The following SOCS6 variants were observed in gnomAD, a reference collection of about 807,000 sequenced individuals.
SOCS6 encodes suppressor of cytokine signaling 6.
SOCS6 carries 5 observed loss-of-function variants against 27.7 expected under a neutral mutation model. That is an observed-to-expected ratio of 0.18 (90% confidence interval 0.09 to 0.38). The LOEUF is 0.38. SOCS6 is among the 10% of genes least tolerant of loss of function. The pLI is 1.00. For synonymous variants in SOCS6, 271 were observed against 260.0 expected, an observed-to-expected ratio of 1.04 and a Z score of -0.41; for missense variants, 595 against 688.1, an observed-to-expected ratio of 0.86 and a Z score of 1.51.
At chr18:70,298,153 ATTAC>A (rs1249985642) in intron 1 of SOCS6, among the ~76,000 whole-genome samples, 1 of 132,640 alleles carries the variant, frequency 7.5e-6, no homozygotes, top group African/African-American at 2.7e-5. Flanking sequence ...ATATAAACAA[ATTAC>A]TTTTAATCTT....
At chr18:70,317,283 A>G (rs1480174201) in intron 1 of SOCS6, among the ~76,000 whole-genome samples, 1 of 152,140 alleles carries the variant, frequency 6.6e-6, no homozygotes, top group African/African-American at 2.4e-5. Context: ...GCTCGCACTT[A>G]TAAGTGAGAA....
At chr18:70,306,791 G>A (rs1333957991) in intron 1 of SOCS6, among the ~76,000 whole-genome samples, 3 of 152,132 alleles carry the variant, frequency 2.0e-5, no homozygotes, top group Non-Finnish European at 4.4e-5. Context: ...TTATCAATAG[G>A]TGTTGTCAAT....
chr18:70,294,098 A>C (rs975368911), intron 1 of SOCS6, among the ~76,000 whole-genome samples: 2 of 148,814 alleles, frequency 1.3e-5, no homozygotes, highest in African/African-American at 4.9e-5. Flanking sequence ...TTAAAAAAAA[A>C]AAAAAAGAAA....
intron 1 of SOCS6, among the ~76,000 whole-genome samples, chr18:70,304,688 C>T (rs529471745): frequency 5.3e-5 from 8 of 152,344 alleles, no homozygotes; most frequent in African/African-American, 1.9e-4. Context: ...CACAGATATT[C>T]TAGCCTGTGG....
At chr18:70,320,680 C>G (rs1280281387) in intron 1 of SOCS6, among the ~76,000 whole-genome samples, 1 of 152,046 alleles carries the variant, frequency 6.6e-6, no homozygotes, top group African/African-American at 2.4e-5. Flanking sequence ...AAAAATTAAA[C>G]TTTATCATAG....
At chr18:70,297,092 T>C (rs571726305) in intron 1 of SOCS6, among the ~76,000 whole-genome samples, 79 of 152,180 alleles carry the variant, frequency 5.2e-4, no homozygotes, top group Non-Finnish European at 9.1e-4. Context: ...TGTGGGAGTT[T>C]TGTTTTCTAA....
Position 70,326,166 on chromosome 18 carries a change from T to C in SOCS6, c.1498T>C (p.Leu500=), listed in dbSNP as rs1047664. 6.2e-7 allele frequency: 1 copy of C among 1,614,110 alleles called. No homozygotes were observed. ...PVSRFMQVRS[L]QYLCRFVIRQ... is the part of the protein sequence containing the mutation. ...GTCCCGGTTCATGCAGGTGCGCTCGTTGCAGTACCTGTGTCGTTTTGTTAT... is the reference window on the plus strand; with the variant it reads ...GTCCCGGTTCATGCAGGTGCGCTCGCTGCAGTACCTGTGTCGTTTTGTTAT... Residue 500 remains leucine, a synonymous_variant, in exon 2 of 2, where the codon TTG becomes CTG. Coordinates refer to ENST00000397942, the MANE Select transcript of SOCS6 (RefSeq NM_004232.4).
chr18:70,303,173 C>G (rs2062355844), intron 1 of SOCS6, among the ~76,000 whole-genome samples: 1 of 152,170 alleles, frequency 6.6e-6, no homozygotes, highest in Non-Finnish European at 1.5e-5. Context: ...GAACCACATA[C>G]ATATAATTTT....
Position 70,325,368 on chromosome 18 carries a change from T to A in SOCS6, c.700T>A (p.Leu234Met). Residue 234 changes from leucine to methionine, a missense_variant, in exon 2 of 2, where the codon TTG (leucine) becomes ATG (methionine). This residue lies in a region of SOCS6 where 467 missense variants were observed against 481.1 expected (regional missense o/e 0.97). Coordinates refer to ENST00000397942, the MANE Select transcript of SOCS6 (RefSeq NM_004232.4). This position sits in a 1 kb window ranked among gnomAD's most constrained non-coding sequence, Gnocchi z 6.3. The part of the protein sequence containing the change: ...TVPLDEGMYP[L>M]EGSRSYCLDS... Reference sequence around the variant, plus strand: ...GCCTTTAGATGAGGGGATGTATCCTTTGGAAGGATCACGGAGCTATTGTCT... The same window carrying A: ...GCCTTTAGATGAGGGGATGTATCCTATGGAAGGATCACGGAGCTATTGTCT... The A allele has an allele frequency of 1.9e-6, 3 of 1,614,168 alleles. No individual in the cohort carries two copies. Among genetic ancestry groups the A allele is most frequent in the Non-Finnish European group, 2.5e-6 (3 of 1,180,020 alleles).
In SOCS6 at chr18:70,324,992, A is replaced by C; in HGVS notation, c.324A>C (p.Ser108=). 6.2e-7 allele frequency: 1 copy of C among 1,613,976 alleles called. No individual in the cohort carries two copies. The highest frequency in any genetic ancestry group is 8.5e-7 in the Non-Finnish European group (1 of 1,179,956). The change falls in exon 2 of 2, where the codon TCA becomes TCC. Residue 108 remains serine (S), a synonymous_variant. Coordinates refer to ENST00000397942, the MANE Select transcript of SOCS6 (RefSeq NM_004232.4). ...SADEDTFSSS[S]APIVFKDVRA... is the part of the protein sequence containing the mutation. ...ACGAGGACACCTTCTCCTCCTCCTC[A>C]GCACCCATAGTCTTTAAAGACGTGA... is the stretch of plus-strand genomic sequence containing the variant.
intron 1 of SOCS6, among the ~76,000 whole-genome samples, chr18:70,311,195 A>G (rs551759470): frequency 6.6e-6 from 1 of 152,160 alleles, no homozygotes; most frequent in South Asian, 2.1e-4. Context: ...AATGTATTCT[A>G]CACTAGAATC....
chr18:70,323,547 C>G (rs984048387), intron 1 of SOCS6, among the ~76,000 whole-genome samples: 1 of 152,096 alleles, frequency 6.6e-6, no homozygotes, highest in Non-Finnish European at 1.5e-5. Context: ...CCAAATAGAT[C>G]AAAACTAGAC....
intron 1 of SOCS6, among the ~76,000 whole-genome samples, chr18:70,303,793 CTAA>C (rs2062358149): frequency 1.3e-5 from 2 of 152,028 alleles, no homozygotes; most frequent in East Asian, 3.9e-4. Flanking sequence ...TCTCAAAAAA[CTAA>C]TAATAATAAA....
At chr18:70,290,095 A>G (rs1274887202) in intron 1 of SOCS6, among the ~76,000 whole-genome samples, 2 of 152,218 alleles carry the variant, frequency 1.3e-5, no homozygotes, top group African/African-American at 2.4e-5. Flanking sequence ...ATTTCAACAA[A>G]TGTTTCTGCA....
At chr18:70,312,153 A>T (rs1357758017) in intron 1 of SOCS6, among the ~76,000 whole-genome samples, 1 of 152,222 alleles carries the variant, frequency 6.6e-6, no homozygotes, top group East Asian at 1.9e-4. Flanking sequence ...TCACAAAATT[A>T]TTCAGTGGTG....
chr18:70,290,115 C>T (rs775775649), intron 1 of SOCS6, among the ~76,000 whole-genome samples: 13 of 152,084 alleles, frequency 8.5e-5, no homozygotes, highest in Non-Finnish European at 1.5e-4. Flanking sequence ...AACGTCTGCC[C>T]GGATAAGGCA....
At chr18:70,292,271 T>G (rs988104569) in intron 1 of SOCS6, among the ~76,000 whole-genome samples, 4 of 152,236 alleles carry the variant, frequency 2.6e-5, no homozygotes, top group Non-Finnish European at 5.9e-5. Context: ...CTGAGTCTTA[T>G]CTGGGGCTAA....
intron 1 of SOCS6, among the ~76,000 whole-genome samples, chr18:70,317,900 G>A (rs2062419777): frequency 6.6e-6 from 1 of 152,240 alleles, no homozygotes. Flanking sequence ...AGGTTGGTGT[G>A]TGGGTGTGCA....
At chr18:70,321,728 G>GT (rs927643436) in intron 1 of SOCS6, among the ~76,000 whole-genome samples, 2 of 152,178 alleles carry the variant, frequency 1.3e-5, no homozygotes. Context: ...GAATAAAGGG[G>GT]TTCTGAGACC....
Sources: gnomAD v4.1 joint callset for allele counts (sites outside exome capture counted in the v4.1 genomes callset) on GRCh38, gnomAD v4.1.1 for gene constraint, gnomAD v4.1.1 regional missense constraint, Gnocchi (gnomAD v3.1) non-coding constraint, MANE v1.5 for transcripts, NCBI Gene and HGNC (gene_info 2026-07-23, HGNC 2026-07-21) for gene names.